Variants in UST observed in about 807,000 individuals in gnomAD.
The protein encoded by UST is uronyl 2-sulfotransferase.
UST carries 21 observed loss-of-function variants against 45.6 expected under a neutral mutation model. The ratio of observed to expected loss-of-function variants is 0.46; its 90% CI spans 0.33 to 0.66. The LOEUF (loss-of-function observed/expected upper bound fraction) is 0.66, where lower values mean the gene tolerates loss of function less well. UST is among the 30% of genes least tolerant of loss of function. The probability of loss-of-function intolerance (pLI) is 0.02; values close to 1 mark genes in which losing one functional copy is unlikely to be tolerated. For missense variants in UST, 463 were observed against 512.4 expected (o/e 0.90, Z 0.93); for synonymous variants, 215 against 200.6 (o/e 1.07, Z -0.61).
chr6:148,989,205 A>G (rs1781299206), intron 5 of UST, among the ~76,000 whole-genome samples: 1 of 108,482 alleles, frequency 9.2e-6, no homozygotes. Context: ...TGACTTCAGT[A>G]AAGGCCCCCC....
At chr6:149,067,728 A>G (rs1470973613) in intron 7 of UST, among the ~76,000 whole-genome samples, 2 of 152,196 alleles carry the variant, frequency 1.3e-5, no homozygotes, top group Admixed American at 6.5e-5. Flanking sequence ...AGATATGTCA[A>G]TGTAGGGGGC....
intron 1 of UST, among the ~76,000 whole-genome samples, chr6:148,756,943 A>G (rs1038499580): frequency 7.9e-5 from 12 of 152,218 alleles, no homozygotes; most frequent in African/African-American, 2.9e-4. Flanking sequence ...CCTTTAGCCT[A>G]TTTCTTTCTT....
intron 1 of UST, among the ~76,000 whole-genome samples, chr6:148,758,376 G>A (rs750988700): frequency 2.0e-5 from 3 of 152,072 alleles, no homozygotes; most frequent in Non-Finnish European, 4.4e-5. Flanking sequence ...CCTCTGTTTT[G>A]AATTTATCCA....
At chr6:149,015,047 G>A (rs538644036) in intron 5 of UST, among the ~76,000 whole-genome samples, 75 of 152,194 alleles carry the variant, frequency 4.9e-4, no homozygotes, top group Non-Finnish European at 2.9e-5. Flanking sequence ...GGGAGTAAGG[G>A]TGAGAGAGGC....
intron 1 of UST, among the ~76,000 whole-genome samples, chr6:148,868,024 G>A (rs2114811109): frequency 6.6e-6 from 1 of 152,158 alleles, no homozygotes. Context: ...CATCACTGAT[G>A]AGCCTGCCAC....
chr6:148,854,448 T>A (rs574869997), intron 1 of UST, among the ~76,000 whole-genome samples: 1 of 152,340 alleles, frequency 6.6e-6, no homozygotes, highest in African/African-American at 2.4e-5. Flanking sequence ...AACTGAAAAT[T>A]TAATTTTGTC....
intron 1 of UST, among the ~76,000 whole-genome samples, chr6:148,883,812 C>A (rs1778865228): frequency 6.6e-6 from 1 of 152,138 alleles, no homozygotes; most frequent in African/African-American, 2.4e-5. Flanking sequence ...CCCCCAAACT[C>A]CATGATTAGT....
At chr6:148,791,393 C>T (rs1029360949) in intron 1 of UST, among the ~76,000 whole-genome samples, 2 of 152,166 alleles carry the variant, frequency 1.3e-5, no homozygotes, top group African/African-American at 4.8e-5. Flanking sequence ...AGACAATCTT[C>T]CGTATTAAAA....
In UST at chr6:148,796,948, G is replaced by A. The variant is rs6936361; in HGVS notation, c.247+49271G>A. ...CTCCCAAGAAGCTGAGATTACAGGC[G>A]CCTCCCATGATGTCCGGCTATGTTT... On this transcript the variant is annotated intron_variant, in intron 1 of 7. Coordinates refer to ENST00000367463, the MANE Select transcript of UST (RefSeq NM_005715.3). Among the ~76,000 whole-genome samples the A allele has an allele frequency of 9.1e-3, 1,379 of 151,554 alleles. 20 individuals carry two copies. Among genetic ancestry groups the A allele is most frequent in the African/African-American group, 0.032 (1,317 of 41,328 alleles).
intron 1 of UST, among the ~76,000 whole-genome samples, chr6:148,884,930 C>T (rs1243916780): frequency 6.6e-6 from 1 of 151,948 alleles, no homozygotes; most frequent in Non-Finnish European, 1.5e-5. Flanking sequence ...AAATGGGACA[C>T]GTTTGGAGGA....
intron 5 of UST, among the ~76,000 whole-genome samples, chr6:149,001,832 A>G (rs1781555453): frequency 6.6e-6 from 1 of 152,258 alleles, no homozygotes; most frequent in South Asian, 2.1e-4. Flanking sequence ...TGTTAAAAAA[A>G]GATTACAATT....
intron 2 of UST, among the ~76,000 whole-genome samples, chr6:148,916,480 C>T (rs1779592842): frequency 6.6e-6 from 1 of 152,154 alleles, no homozygotes; most frequent in Non-Finnish European, 1.5e-5. Flanking sequence ...CTGGGGTTCA[C>T]AGTGTTAGTG....
At chr6:148,849,743 G>A (rs1006191099) in intron 1 of UST, among the ~76,000 whole-genome samples, 1 of 152,086 alleles carries the variant, frequency 6.6e-6, no homozygotes, top group East Asian at 1.9e-4. Flanking sequence ...CAGCATGGGG[G>A]AAACTGCCCC....
At chr6:149,060,062 AC>A (rs1191909123) in intron 7 of UST, among the ~76,000 whole-genome samples, 1 of 151,612 alleles carries the variant, frequency 6.6e-6, no homozygotes, top group Non-Finnish European at 1.5e-5. Flanking sequence ...TGCATTAGAA[AC>A]CCTTCATTCT....
At chr6:148,974,608 T>G (rs1780981827) in intron 5 of UST, among the ~76,000 whole-genome samples, 1 of 152,212 alleles carries the variant, frequency 6.6e-6, no homozygotes, top group African/African-American at 2.4e-5. Flanking sequence ...ACACAGCCTC[T>G]AGAACAAACC....
intron 7 of UST, among the ~76,000 whole-genome samples, chr6:149,040,354 G>A (rs550460792): frequency 2.4e-4 from 37 of 152,106 alleles, no homozygotes; most frequent in African/African-American, 8.4e-4. Flanking sequence ...TAGCAGGTAA[G>A]CATTGTAAAA....
chr6:148,928,333 C>T (rs1169316197), intron 2 of UST, among the ~76,000 whole-genome samples: 1 of 152,224 alleles, frequency 6.6e-6, no homozygotes, highest in Non-Finnish European at 1.5e-5. Flanking sequence ...AGTTTTATAT[C>T]CATCCAGTGA....
intron 1 of UST, among the ~76,000 whole-genome samples, chr6:148,816,839 C>T (rs1328815744): frequency 6.6e-6 from 1 of 151,964 alleles, no homozygotes; most frequent in African/African-American, 2.4e-5. Flanking sequence ...AACAAATGGT[C>T]CCTGGAATGA....
intron 2 of UST, among the ~76,000 whole-genome samples, chr6:148,894,998 A>G (rs980463361): frequency 1.3e-5 from 2 of 151,790 alleles, no homozygotes; most frequent in South Asian, 4.2e-4. Flanking sequence ...TTGTATTTTT[A>G]GTAGAGACGG....
Sources: gnomAD v4.1 joint callset for allele counts (sites outside exome capture counted in the v4.1 genomes callset) on GRCh38, gnomAD v4.1.1 for gene constraint, MANE v1.5 for transcripts, NCBI Gene and HGNC (gene_info 2026-07-23, HGNC 2026-07-21) for gene names.